Variants in TMTC2 observed in about 807,000 individuals in gnomAD.
The protein encoded by TMTC2 is transmembrane O-mannosyltransferase targeting cadherins 2, also known as protein O-mannosyl-transferase TMTC2.
TMTC2 carries 43 observed loss-of-function variants against 82.4 expected under a neutral mutation model. That is an observed-to-expected ratio of 0.52 (90% CI 0.41 to 0.67). The LOEUF is 0.67. Among genes scored for constraint, TMTC2 ranks in the 30% least tolerant of loss-of-function variants. The probability of loss-of-function intolerance (pLI) is 0.00; values close to 1 mark genes in which losing one functional copy is unlikely to be tolerated. For missense variants in TMTC2, 919 were observed against 1,012.4 expected (o/e 0.91, Z 1.25); for synonymous variants, 408 against 381.9 (o/e 1.07, Z -0.80).
intron 10 of TMTC2, among the ~76,000 whole-genome samples, chr12:83,061,069 C>A (rs1305667164): frequency 6.6e-6 from 1 of 151,676 alleles, no homozygotes; most frequent in Non-Finnish European, 1.5e-5. Flanking sequence ...AAAAGCAGTT[C>A]TTTACAGGAA....
chr12:82,729,835 C>T (rs893251202), intron 1 of TMTC2, among the ~76,000 whole-genome samples: 2 of 152,196 alleles, frequency 1.3e-5, no homozygotes, highest in South Asian at 4.1e-4. Context: ...TGGGTCCACA[C>T]TGCCTTTATG....
chr12:83,100,248 A>T (rs1186736124), intron 11 of TMTC2, among the ~76,000 whole-genome samples: 3 of 152,072 alleles, frequency 2.0e-5, no homozygotes, highest in Non-Finnish European at 4.4e-5. Context: ...CTGCGAGCAC[A>T]TCGCTGGGTC....
At chr12:82,711,671 C>G (rs902155783) in intron 1 of TMTC2, among the ~76,000 whole-genome samples, 1 of 152,080 alleles carries the variant, frequency 6.6e-6, no homozygotes, top group Non-Finnish European at 1.5e-5. Context: ...AAAATGAAAA[C>G]AGATGGACAA....
intron 1 of TMTC2, among the ~76,000 whole-genome samples, chr12:82,813,062 A>G (rs1250090216): frequency 6.6e-6 from 1 of 152,072 alleles, no homozygotes; most frequent in Non-Finnish European, 1.5e-5. Context: ...CATTATGTTT[A>G]TATAAATATT....
At chr12:82,775,410 A>G (rs1877535599) in intron 1 of TMTC2, among the ~76,000 whole-genome samples, 1 of 151,926 alleles carries the variant, frequency 6.6e-6, no homozygotes, top group Non-Finnish European at 1.5e-5. Flanking sequence ...TGATTGCACC[A>G]CTGTACACCA....
chr12:82,992,064 C>T (rs149857206), intron 8 of TMTC2, among the ~76,000 whole-genome samples: 79 of 152,246 alleles, frequency 5.2e-4, no homozygotes, highest in African/African-American at 1.5e-3. Context: ...ATTTTGGCTA[C>T]GGCATGAGAG....
At chr12:83,032,671 A>G (rs1881489222) in intron 9 of TMTC2, among the ~76,000 whole-genome samples, 2 of 152,076 alleles carry the variant, frequency 1.3e-5, no homozygotes, top group Admixed American at 1.3e-4. Flanking sequence ...CAGCCTCACA[A>G]ATAGCTGGGA....
chr12:82,845,179 A>G (rs1313332906), intron 1 of TMTC2, among the ~76,000 whole-genome samples: 1 of 134,612 alleles, frequency 7.4e-6, no homozygotes, highest in Non-Finnish European at 1.5e-5. Context: ...CAGTGAGCCG[A>G]GATCGTGCCA....
At chr12:82,874,892 G>C (rs566042129) in intron 2 of TMTC2, among the ~76,000 whole-genome samples, 1 of 151,834 alleles carries the variant, frequency 6.6e-6, no homozygotes, top group Non-Finnish European at 1.5e-5. Flanking sequence ...AAATTAATTT[G>C]ACAAATAATT....
At chr12:82,939,269 T>C (rs1876573505) in intron 4 of TMTC2, among the ~76,000 whole-genome samples, 1 of 152,152 alleles carries the variant, frequency 6.6e-6, no homozygotes, top group African/African-American at 2.4e-5. Context: ...TGAAAACTTA[T>C]GTGTAAGCAC....
chr12:82,754,177 A>G (rs1001524328), intron 1 of TMTC2, among the ~76,000 whole-genome samples: 16 of 152,274 alleles, frequency 1.1e-4, no homozygotes, highest in South Asian at 2.1e-4. Flanking sequence ...AATAAGAGTA[A>G]TTGTATTTTT....
chr12:82,824,659 G>A (rs1869305921), intron 1 of TMTC2, among the ~76,000 whole-genome samples: 2 of 152,182 alleles, frequency 1.3e-5, no homozygotes, highest in African/African-American at 4.8e-5. Flanking sequence ...TTGCTGTTTA[G>A]TAGGATGTTA....
chr12:82,941,474 A>G lies in TMTC2; in HGVS notation c.1598+10929A>G, dbSNP rs542666308. The stretch of plus-strand genomic sequence containing the variant: ...AATGGACTAATTAATGAGATAATAA[A>G]CTAATGAGTAATCTAATAACTGGAT... On this transcript the variant is annotated intron_variant, in intron 4 of 11. Coordinates refer to ENST00000321196, the MANE Select transcript of TMTC2 (RefSeq NM_152588.3). Among the ~76,000 whole-genome samples the G allele has an allele frequency of 5.3e-5, 8 of 152,322 alleles. No homozygotes were observed. The South Asian group carries it at 1.7e-3, about 32-fold the overall frequency.
At position 82,997,348 on chromosome 12, in the gene TMTC2, GTATA is replaced by G. The variant is rs370359828; in HGVS notation, c.2070+11316_2070+11319del. 2.4e-3 allele frequency among the ~76,000 whole-genome samples: 51 copies of G among 21,528 alleles called. 7 individuals carry two copies. The highest frequency in any genetic ancestry group is 8.5e-3 in the South Asian group (2 of 236). 14.1% of individuals were successfully genotyped at this position (21,528 alleles called of 152,430 possible). A position where few individuals can be genotyped will look rare whatever the true frequency, so the allele number is the denominator to read the frequency against. ...TCTGTGTGTGTGTGTGTGTGTGTGT[GTATA>G]TATATATATATATGTGTATATATAT... On this transcript the variant is annotated intron_variant, in intron 8 of 11. Transcript: ENST00000321196.
chr12:82,817,575 G>T (rs79830817), intron 1 of TMTC2, among the ~76,000 whole-genome samples: 1,629 of 152,232 alleles, frequency 0.011, 31 homozygotes, highest in African/African-American at 0.038. Flanking sequence ...GTGTGTGTCA[G>T]TGTTTACTAC....
chr12:82,876,028 CGGT>C lies in TMTC2; in HGVS notation c.654+18486_654+18488del, dbSNP rs748180026. Among the ~76,000 whole-genome samples the C allele has an allele frequency of 2.2e-3, 186 of 83,480 alleles. 1 individual carries two copies. Among genetic ancestry groups the C allele is most frequent in the Non-Finnish European group, 2.9e-3 (131 of 45,190 alleles). The allele number at this position is 83,480 out of a possible 152,430, so 54.8% of individuals were successfully genotyped here. On this transcript the variant is annotated intron_variant, in intron 2 of 11. Transcript: ENST00000321196. Reference sequence around the variant, plus strand: ...GTAATGGTAATGGTAGTAGTGGTGGCGGTGGTGGTGGTGGTGGTGGTGGTGGTG... The same window carrying C: ...GTAATGGTAATGGTAGTAGTGGTGGCGGTGGTGGTGGTGGTGGTGGTGGTG...
intron 1 of TMTC2, among the ~76,000 whole-genome samples, chr12:82,751,838 A>G (rs1876023250): frequency 6.6e-6 from 1 of 152,188 alleles, no homozygotes; most frequent in African/African-American, 2.4e-5. Flanking sequence ...TATTTTTTCC[A>G]TATTTACATA....
At chr12:83,097,179 G>A (rs1485781020) in intron 11 of TMTC2, among the ~76,000 whole-genome samples, 2 of 152,126 alleles carry the variant, frequency 1.3e-5, no homozygotes, top group African/African-American at 4.8e-5. Context: ...CTCAATTCAG[G>A]CTGCTTTTCA....
At chr12:82,897,863 T>C (rs980271938) in intron 3 of TMTC2, among the ~76,000 whole-genome samples, 8 of 152,140 alleles carry the variant, frequency 5.3e-5, no homozygotes, top group South Asian at 2.1e-4. Context: ...GATATAGCAT[T>C]TGAACTGGCA....
Sources: allele counts gnomAD v4.1 joint callset (sites outside exome capture counted in the v4.1 genomes callset), GRCh38; gene constraint gnomAD v4.1.1; transcripts MANE v1.5; gene names NCBI Gene and HGNC (gene_info 2026-07-23, HGNC 2026-07-21).